MMS22L: variants seen among roughly 807,000 people sequenced by gnomAD.
MMS22L encodes the protein protein MMS22-like.
MMS22L carries 74 observed loss-of-function variants against 159.1 expected under a neutral mutation model. The ratio of observed to expected loss-of-function variants is 0.47; its 90% CI spans 0.39 to 0.56. The LOEUF (loss-of-function observed/expected upper bound fraction) is 0.56, where lower values mean the gene tolerates loss of function less well. Ranked by LOEUF, MMS22L falls within the 20% of genes least tolerant of loss-of-function variation. MMS22L has a pLI of 0.00. For synonymous variants in MMS22L, 517 were observed against 506.9 expected (o/e 1.02, Z -0.27); for missense variants, 1,351 against 1,422.1 (o/e 0.95, Z 0.80).
intron 7 of MMS22L, 24 bp downstream of exon 7, chr6:97,269,878 T>C: frequency 6.5e-7 from 1 of 1,537,392 alleles, no homozygotes; most frequent in Non-Finnish European, 8.9e-7. Flanking sequence ...AAAAAGAATA[T>C]AAATCATAAA....
chr6:97,246,799 G>A, intron 10 of MMS22L, 109 bp from the exon 11 acceptor site: 1 of 662,388 alleles, frequency 1.5e-6, no homozygotes, highest in Non-Finnish European at 2.5e-6. Flanking sequence ...CTATCATTCA[G>A]CATCAATGTG....
chr6:97,229,152 T>G lies in MMS22L; in HGVS notation c.1781A>C (p.Lys594Thr). The G allele has an allele frequency of 1.2e-6, 2 of 1,614,102 alleles. No individual in the cohort carries two copies. Among genetic ancestry groups the G allele is most frequent in the South Asian group, 2.2e-5 (2 of 91,068 alleles). The stretch of plus-strand genomic sequence containing the variant: ...TTTCTCCCGGAAAGCACATGAAAAT[T>G]TCTCAGCCAAAACACCAATGTCCAG... ...KNLDIGVLAEKFSCAFREKAK... is the reference protein window; with the variant it reads ...KNLDIGVLAETFSCAFREKAK... Residue 594 changes from lysine to threonine, a missense_variant, in exon 14 of 25, where the codon AAA becomes ACA. By Grantham distance (78) the Lys-to-Thr change is moderately conservative. Coordinates refer to ENST00000683635, the MANE Select transcript of MMS22L (RefSeq NM_001350599.2).
Position 97,229,233 on chromosome 6 carries a change from C to T in MMS22L, c.1700G>A (p.Arg567Lys). 4 of 1,614,106 alleles carry T rather than the reference C, an allele frequency of 2.5e-6. No individual in the cohort carries two copies. Among genetic ancestry groups the T allele is most frequent in the Non-Finnish European group, 3.4e-6 (4 of 1,179,998 alleles). Reference sequence around the variant, plus strand: ...CATGTGACCCTTCCAAATGAGGGCTCTCTGAGACGTTACAAAAGCAGGCTT... The same window carrying T: ...CATGTGACCCTTCCAAATGAGGGCTTTCTGAGACGTTACAAAAGCAGGCTT... ...FLKPAFVTSQ[R>K]ALIWKGHMAF... Residue 567 changes from arginine to lysine, a missense_variant, in exon 14 of 25, where the codon AGA (arginine) becomes AAA (lysine). Coordinates refer to ENST00000683635, the MANE Select transcript of MMS22L (RefSeq NM_001350599.2).
In MMS22L at chr6:97,177,490, T is replaced by G. The variant is rs190686424; in HGVS notation, c.2679+953A>C. 2.5e-3 allele frequency among the ~76,000 whole-genome samples: 381 copies of G among 152,250 alleles called. 3 individuals are homozygous for G. Among genetic ancestry groups the G allele is most frequent in the African/African-American group, 8.6e-3 (359 of 41,562 alleles). ...AGCAAAAAACTCATTTTCTTAGTGG[T>G]GAAAGAACAATTAATTTGGGCTAGA... is the stretch of plus-strand genomic sequence containing the variant. On this transcript the variant is annotated intron_variant, in intron 18 of 24. Coordinates refer to ENST00000683635, the MANE Select transcript of MMS22L (RefSeq NM_001350599.2).
intron 17 of MMS22L, 50 bp from the exon 18 acceptor site, chr6:97,178,635 A>G (rs1804366281): frequency 1.0e-6 from 1 of 952,988 alleles, no homozygotes; most frequent in Admixed American, 3.0e-5. Context: ...AACATACTAT[A>G]TACATAACCA....
rs1801822336 is a variant in MMS22L at position 97,156,190 on chromosome 6, T to C, written c.3386-4323A>G. Among the ~76,000 whole-genome samples, 4 of 152,250 alleles carry C rather than the reference T, an allele frequency of 2.6e-5. No homozygotes were observed. In the South Asian group the frequency reaches 8.3e-4, roughly 31 times the overall value. ...TTTTGACGGGGTTGTTTGTTTCTTG[T>C]AAATTTGTTTAAGTTCTTTGTAGAT... On this transcript the variant is annotated intron_variant, in intron 22 of 24. Transcript: ENST00000683635.
intron 22 of MMS22L, among the ~76,000 whole-genome samples, chr6:97,156,419 T>C (rs1801852835): frequency 6.6e-6 from 1 of 152,242 alleles, no homozygotes; most frequent in African/African-American, 2.4e-5. Context: ...TGATACTGCC[T>C]AGATTTTATT....
intron 19 of MMS22L, 38 bp from the exon 20 acceptor site, chr6:97,168,278 C>T: frequency 6.3e-7 from 1 of 1,581,400 alleles, no homozygotes; most frequent in Non-Finnish European, 8.6e-7. Context: ...TTGTTGTTAT[C>T]CTCTGACCAG....
chr6:97,156,343 T>C (rs1345979108), intron 22 of MMS22L, among the ~76,000 whole-genome samples: 1 of 152,244 alleles, frequency 6.6e-6, no homozygotes, highest in East Asian at 1.9e-4. Context: ...TTTATATATT[T>C]GGCTTTTGTT....
At chr6:97,239,165 T>G (rs975641494) in intron 11 of MMS22L, among the ~76,000 whole-genome samples, 6 of 151,856 alleles carry the variant, frequency 4.0e-5, no homozygotes, top group African/African-American at 1.5e-4. Context: ...AACACTGATT[T>G]TTAGTTAGTT....
chr6:97,153,414 C>T (rs994879111), intron 22 of MMS22L, among the ~76,000 whole-genome samples: 1 of 139,214 alleles, frequency 7.2e-6, no homozygotes, highest in African/African-American at 2.7e-5. Flanking sequence ...CTCTGTTGCC[C>T]AGGCTGGAGT....
intron 10 of MMS22L, among the ~76,000 whole-genome samples, chr6:97,250,191 G>A (rs895772848): frequency 1.3e-5 from 2 of 152,022 alleles, no homozygotes; most frequent in Non-Finnish European, 2.9e-5. Flanking sequence ...CAGGTAGGAT[G>A]TCATCAATTT....
intron 19 of MMS22L, among the ~76,000 whole-genome samples, chr6:97,170,524 C>CA (rs1402661227): frequency 1.3e-5 from 2 of 150,560 alleles, no homozygotes; most frequent in African/African-American, 2.4e-5. Flanking sequence ...ACTGAAAATA[C>CA]AAAAAAATTT....
chr6:97,241,839 T>A (rs1448357375), intron 11 of MMS22L, among the ~76,000 whole-genome samples: 1 of 152,230 alleles, frequency 6.6e-6, no homozygotes, highest in African/African-American at 2.4e-5. Flanking sequence ...TTTTTAAATT[T>A]CTATTTTGAT....
intron 15 of MMS22L, among the ~76,000 whole-genome samples, chr6:97,182,912 C>T (rs1422038931): frequency 1.3e-5 from 2 of 152,146 alleles, no homozygotes; most frequent in African/African-American, 2.4e-5. Context: ...TCTTTGTAGA[C>T]TGTAGCTCAC....
At chr6:97,162,438 T>C (rs1405751825) in intron 21 of MMS22L, among the ~76,000 whole-genome samples, 1 of 151,816 alleles carries the variant, frequency 6.6e-6, no homozygotes, top group Admixed American at 6.6e-5. Flanking sequence ...GAACTCAAAA[T>C]CCAAATGAAA....
rs560147533 is a variant in MMS22L at position 97,192,644 on chromosome 6, C to T, written c.2040-5954G>A. On this transcript the variant is annotated intron_variant, in intron 14 of 24. Coordinates refer to ENST00000683635, the MANE Select transcript of MMS22L (RefSeq NM_001350599.2). ...GAAAGATACAAGCTTTGGAGACAGACATACTAAAGTATACATCCTATTTTG... is the reference window on the plus strand; with the variant it reads ...GAAAGATACAAGCTTTGGAGACAGATATACTAAAGTATACATCCTATTTTG... 5.3e-5 allele frequency among the ~76,000 whole-genome samples: 8 copies of T among 152,296 alleles called. No homozygotes were observed. The South Asian group carries it at 1.7e-3, about 32-fold the overall frequency.
intron 18 of MMS22L, among the ~76,000 whole-genome samples, chr6:97,174,112 G>GTGTGGTGGCGTGTGCC (rs1263069184): frequency 6.6e-6 from 1 of 151,934 alleles, no homozygotes; most frequent in Non-Finnish European, 1.5e-5. Flanking sequence ...AATTAGCTGG[G>GTGTGGTGGCGTGTGCC]TGTGGTGGCG....
chr6:97,156,568 A>G (rs2128237583), intron 22 of MMS22L, among the ~76,000 whole-genome samples: 1 of 152,308 alleles, frequency 6.6e-6, no homozygotes, highest in East Asian at 1.9e-4. Context: ...CATTTATTCA[A>G]TAGGGAATCC....
Sources: gnomAD v4.1 joint callset for allele counts (sites outside exome capture counted in the v4.1 genomes callset) on GRCh38, gnomAD v4.1.1 for gene constraint, MANE v1.5 for transcripts, NCBI Gene and HGNC (gene_info 2026-07-23, HGNC 2026-07-21) for gene names.